Variants in AKR1B1 observed in about 807,000 individuals in gnomAD.
The protein encoded by AKR1B1 is aldo-keto reductase family 1 member B1.
Under a neutral mutation model 40.4 loss-of-function variants are expected in AKR1B1, and 22 were observed. The ratio of observed to expected loss-of-function variants is 0.54; its 90% confidence interval spans 0.39 to 0.78. The LOEUF (loss-of-function observed/expected upper bound fraction) is 0.78. Among genes scored for constraint, AKR1B1 ranks in the 30% least tolerant of loss-of-function variants. AKR1B1 has a pLI of 0.00. For synonymous variants in AKR1B1, 157 were observed against 149.9 expected (o/e 1.05, Z -0.35); for missense variants, 357 against 396.7 (o/e 0.90, Z 0.85).
intron 1 of AKR1B1, among the ~76,000 whole-genome samples, chr7:134,453,283 G>GC (rs1806350425): frequency 6.6e-6 from 1 of 152,178 alleles, no homozygotes. Context: ...TGCCTGCCAT[G>GC]CAACTGGTGC....
At position 134,449,010 on chromosome 7, in the gene AKR1B1, G is replaced by A; in HGVS notation, c.539C>T (p.Pro180Leu). 1 of 1,614,080 alleles carries A rather than the reference G, an allele frequency of 6.2e-7. No individual in the cohort carries two copies. The highest frequency in any genetic ancestry group is 8.5e-7 in the Non-Finnish European group (1 of 1,180,000). The change falls in exon 5 of 10, where the codon CCT (proline) becomes CTT (leucine). Residue 180 changes from proline (P) to leucine (L), a missense_variant. Coordinates refer to ENST00000285930, the MANE Select transcript of AKR1B1 (RefSeq NM_001628.4). ...ILNKPGLKYK[P>L]AVNQIECHPY... ...GGGGATGTTTACCTGGTTAACTGCAGGCTTATACTTCAAGCCAGGTTTGTT... is the reference window on the plus strand; with the variant it reads ...GGGGATGTTTACCTGGTTAACTGCAAGCTTATACTTCAAGCCAGGTTTGTT...
At position 134,457,050 on chromosome 7, in the gene AKR1B1, A is replaced by G. The variant is rs1806492134; in HGVS notation, c.66+1947T>C. Among the ~76,000 whole-genome samples the G allele has an allele frequency of 3.3e-5, 5 of 151,980 alleles. 1 individual carries two copies. In the South Asian group the frequency reaches 1.0e-3, roughly 32 times the overall value. On this transcript the variant is annotated intron_variant, in intron 1 of 9. Transcript: ENST00000285930. ...CTACTTGGGAGGCTGAGGTATGAGGACCACTTGAGCCCAAGAGGTTAAGGC... is the reference window on the plus strand; with the variant it reads ...CTACTTGGGAGGCTGAGGTATGAGGGCCACTTGAGCCCAAGAGGTTAAGGC...
At chr7:134,444,519 A>T (rs1035941279) in intron 9 of AKR1B1, among the ~76,000 whole-genome samples, 1 of 152,252 alleles carries the variant, frequency 6.6e-6, no homozygotes, top group Non-Finnish European at 1.5e-5. Context: ...TAAAGGAGAG[A>T]GTGTGGAAAC....
chr7:134,446,580 TGC>T (rs1806102154), intron 8 of AKR1B1, among the ~76,000 whole-genome samples: 1 of 186 alleles, frequency 5.4e-3, no homozygotes, highest in Admixed American at 0.083. Flanking sequence ...CCTTTGGGCG[TGC>T]CCCCCCCCTC....
chr7:134,453,131 T>C (rs1806342894), intron 1 of AKR1B1, among the ~76,000 whole-genome samples: 1 of 152,128 alleles, frequency 6.6e-6, no homozygotes, highest in Admixed American at 6.5e-5. Context: ...AGGACATCCC[T>C]ACCCCAGAAA....
Position 134,442,890 on chromosome 7 carries a change from A to G in AKR1B1, c.909-120T>C. 4.1e-6 allele frequency: 4 copies of G among 978,908 alleles called. No individual in the cohort carries two copies. In the South Asian group the frequency reaches 5.5e-5, roughly 14 times the overall value. The allele number at this position is 978,908 out of a possible 1,614,324, so 60.6% of individuals were successfully genotyped here. ...ATAAAATAGAACCTCAGAGGCAACAAGCTAGTTCTGAGTGTGCAGATGATG... is the reference window on the plus strand; with the variant it reads ...ATAAAATAGAACCTCAGAGGCAACAGGCTAGTTCTGAGTGTGCAGATGATG... On this transcript the variant is annotated intron_variant, in intron 9 of 9. Transcript: ENST00000285930.
intron 9 of AKR1B1, among the ~76,000 whole-genome samples, chr7:134,443,449 TG>T (rs1389131851): frequency 6.6e-6 from 1 of 151,690 alleles, no homozygotes; most frequent in Non-Finnish European, 1.5e-5. Flanking sequence ...TGTATGTGAC[TG>T]AATCTCAAAG....
chr7:134,458,925 G>A (rs1806581055), intron 1 of AKR1B1, 72 bp downstream of exon 1: 4 of 1,505,830 alleles, frequency 2.7e-6, no homozygotes, highest in Non-Finnish European at 3.6e-6. Flanking sequence ...GGTCACTCGG[G>A]GTCCCTCGCC....
At position 134,447,903 on chromosome 7, in the gene AKR1B1, C is replaced by A. The variant is rs947736360; in HGVS notation, c.741+77G>T. The A allele has an allele frequency of 1.8e-5, 23 of 1,291,014 alleles. 1 individual carries two copies. Among genetic ancestry groups the A allele is most frequent in the Non-Finnish European group, 2.4e-5 (22 of 902,658 alleles). 80.0% of individuals were successfully genotyped at this position (1,291,014 alleles called of 1,614,324 possible). A position where few individuals can be genotyped will look rare whatever the true frequency, so the allele number is the denominator to read the frequency against. ...TGTGAGGGTGTAACAGGCTCAGTCA[C>A]TTCCTCCTCTTGGCTAACAGGACTG... On this transcript the variant is annotated intron_variant, in intron 7 of 9. Transcript: ENST00000285930.
chr7:134,453,739 G>A (rs1042819580), intron 1 of AKR1B1, among the ~76,000 whole-genome samples: 3 of 152,174 alleles, frequency 2.0e-5, no homozygotes, highest in African/African-American at 7.2e-5. Flanking sequence ...ATTCGCTGGA[G>A]ACATGTGTGC....
At chr7:134,449,893 AC>A in intron 3 of AKR1B1, 96 bp from the exon 4 acceptor site, 1 of 979,706 alleles carries the variant, frequency 1.0e-6, no homozygotes, top group Non-Finnish European at 1.6e-6. Flanking sequence ...ATTCTAAACC[AC>A]CACAGCTGGC....
chr7:134,459,134 C>T (rs1046756506), upstream of AKR1B1: 2 of 1,534,564 alleles, frequency 1.3e-6, no homozygotes, highest in East Asian at 4.9e-5. Context: ...TTAAATAGCC[C>T]GTGAGGTCGG....
upstream of AKR1B1, chr7:134,459,195 T>C (rs1334173507): frequency 6.1e-6 from 7 of 1,149,260 alleles, no homozygotes; most frequent in Non-Finnish European, 8.8e-6. Context: ...AGCCTTCTGA[T>C]TGGTTGCGCT....
intron 5 of AKR1B1, 86 bp downstream of exon 5, chr7:134,448,911 C>T: frequency 1.3e-6 from 2 of 1,575,888 alleles, no homozygotes; most frequent in Non-Finnish European, 8.7e-7. Flanking sequence ...TGGCCACTTG[C>T]TGGGTGAGGT....
chr7:134,455,577 T>A (rs1806443405), intron 1 of AKR1B1, among the ~76,000 whole-genome samples: 1 of 152,148 alleles, frequency 6.6e-6, no homozygotes, highest in Non-Finnish European at 1.5e-5. Flanking sequence ...GATGGGTTTT[T>A]GTTGTTGTTG....
rs868158674 is a variant in AKR1B1, at chr7:134,442,540, G to A, written c.*188C>T. On this transcript the variant is annotated 3_prime_UTR_variant, in exon 10 of 10. Transcript: ENST00000285930. ...GGTAGAAAGAAGGGCAAAGCAAACTGGAAGAGACTTCTACTCTACTGACAG... is the reference window on the plus strand; with the variant it reads ...GGTAGAAAGAAGGGCAAAGCAAACTAGAAGAGACTTCTACTCTACTGACAG... The A allele has an allele frequency of 1.7e-6, 1 of 586,386 alleles. No homozygotes were observed. The highest frequency in any genetic ancestry group is 3.1e-6 in the Non-Finnish European group (1 of 325,706). The allele number at this position is 586,386 out of a possible 1,614,324, so 36.3% of individuals were successfully genotyped here.
In AKR1B1 at chr7:134,450,703, C is replaced by A. The variant is rs916884052; in HGVS notation, c.351+83G>T. 29 of 1,029,856 alleles carry A rather than the reference C, an allele frequency of 2.8e-5. No individual in the cohort carries two copies. In the Admixed American group the frequency reaches 4.2e-4, roughly 15 times the overall value. 63.8% of individuals were successfully genotyped at this position (1,029,856 alleles called of 1,614,324 possible). A position where few individuals can be genotyped will look rare whatever the true frequency, so the allele number is the denominator to read the frequency against. ...CAGCAAGAACAGAAAGTCACCCACACGTAATCTGCTAAGGGAGCTCAAAAC... is the reference window on the plus strand; with the variant it reads ...CAGCAAGAACAGAAAGTCACCCACAAGTAATCTGCTAAGGGAGCTCAAAAC... On this transcript the variant is annotated intron_variant, in intron 3 of 9. Coordinates refer to ENST00000285930, the MANE Select transcript of AKR1B1 (RefSeq NM_001628.4).
At chr7:134,442,821 T>C (rs954603395) in intron 9 of AKR1B1, 51 bp from the exon 10 acceptor site, 16 of 1,528,126 alleles carry the variant, frequency 1.0e-5, no homozygotes, top group Admixed American at 1.7e-5. Context: ...TGATTTTGAC[T>C]ATACCCAACT....
intron 1 of AKR1B1, among the ~76,000 whole-genome samples, chr7:134,452,539 G>A (rs947878709): frequency 1.2e-4 from 19 of 152,190 alleles, no homozygotes; most frequent in African/African-American, 4.6e-4. Flanking sequence ...AACAGCTGTG[G>A]GGAGCCTGGC....
Sources: allele counts gnomAD v4.1 joint callset (sites outside exome capture counted in the v4.1 genomes callset), GRCh38; gene constraint gnomAD v4.1.1; transcripts MANE v1.5; gene names NCBI Gene and HGNC (gene_info 2026-07-23, HGNC 2026-07-21).